Variants in SPAG16 observed in about 807,000 individuals in gnomAD.
The protein encoded by SPAG16 is sperm associated antigen 16.
In SPAG16, 86 loss-of-function variants were observed where a neutral mutation model predicts 80.4. The observed-to-expected ratio is 1.07, with a 90% CI of 0.90 to 1.28. SPAG16 has a LOEUF of 1.28. Among genes scored for constraint, SPAG16 ranks in the 50% most tolerant of loss-of-function variants. SPAG16 has a pLI of 0.00. For synonymous variants in SPAG16, 294 were observed against 265.9 expected (o/e 1.11, Z -1.03); for missense variants, 870 against 765.3 (o/e 1.14, Z -1.61).
chr2:213,628,937 G>A (rs1360056351), intron 10 of SPAG16, among the ~76,000 whole-genome samples: 2 of 152,076 alleles, frequency 1.3e-5, no homozygotes, highest in East Asian at 3.9e-4. Context: ...TGCTAAAAAT[G>A]AAGATATATA....
At chr2:214,291,994 T>C (rs1576696665) in intron 15 of SPAG16, among the ~76,000 whole-genome samples, 2 of 152,344 alleles carry the variant, frequency 1.3e-5, no homozygotes, top group South Asian at 2.1e-4. Flanking sequence ...TTCCCCTTTA[T>C]TGATGAAGAA....
chr2:214,298,123 C>CAT (rs1264041437), intron 15 of SPAG16, among the ~76,000 whole-genome samples: 1 of 47,792 alleles, frequency 2.1e-5, no homozygotes, highest in African/African-American at 5.2e-5. Flanking sequence ...TACACACACA[C>CAT]ACACACACAC....
intron 10 of SPAG16, among the ~76,000 whole-genome samples, chr2:213,755,306 C>T (rs2125500607): frequency 6.6e-6 from 1 of 152,106 alleles, no homozygotes; most frequent in Admixed American, 6.5e-5. Context: ...TCTGGTTATT[C>T]AAGTTAAGTA....
chr2:214,057,851 A>G (rs553154929), intron 13 of SPAG16, among the ~76,000 whole-genome samples: 10 of 152,130 alleles, frequency 6.6e-5, no homozygotes, highest in African/African-American at 2.4e-4. Context: ...CTTGCACTTT[A>G]TGTTATGGAG....
At chr2:213,561,493 C>T (rs58012287) in intron 10 of SPAG16, among the ~76,000 whole-genome samples, 13,173 of 152,062 alleles carry the variant, frequency 0.087, 1,431 homozygotes, top group African/African-American at 0.25. Flanking sequence ...TTGATATAAT[C>T]ACTCATTGTA....
At chr2:214,172,454 T>C (rs1437227167) in intron 15 of SPAG16, among the ~76,000 whole-genome samples, 1 of 152,178 alleles carries the variant, frequency 6.6e-6, no homozygotes, top group African/African-American at 2.4e-5. Flanking sequence ...CACTGCATAG[T>C]ATTCCATGGT....
chr2:213,440,583 CA>C (rs1389470294), intron 9 of SPAG16, among the ~76,000 whole-genome samples: 11 of 151,674 alleles, frequency 7.3e-5, no homozygotes, highest in African/African-American at 2.7e-4. Flanking sequence ...ACAACAACAA[CA>C]AATAGTCAAT....
In SPAG16 at chr2:213,715,222, G is replaced by GTCTATCTATCCATCTA. The variant is rs1553615158; in HGVS notation, c.1071-147253_1071-147252insCATCTATCTATCTATC. ...AGATTCAAGTTAGGTAGATCTATCT[G>GTCTATCTATCCATCTA]TCTATCTATCTATCTATCTATCTAT... On this transcript the variant is annotated intron_variant, in intron 10 of 15. Coordinates refer to ENST00000331683, the MANE Select transcript of SPAG16 (RefSeq NM_024532.5). 3.7e-3 allele frequency among the ~76,000 whole-genome samples: 414 copies of GTCTATCTATCCATCTA among 110,576 alleles called. 2 individuals are homozygous for GTCTATCTATCCATCTA. The highest frequency in any genetic ancestry group is 0.017 in the South Asian group (59 of 3,414). 72.5% of individuals were successfully genotyped at this position (110,576 alleles called of 152,430 possible).
chr2:213,953,349 T>A (rs1428215015), intron 12 of SPAG16, among the ~76,000 whole-genome samples: 1 of 151,506 alleles, frequency 6.6e-6, no homozygotes, highest in Non-Finnish European at 1.5e-5. Flanking sequence ...AAGGAAAATT[T>A]TAAAGAATAA....
chr2:213,315,403 A>G (rs2063357431), intron 4 of SPAG16, among the ~76,000 whole-genome samples: 1 of 151,758 alleles, frequency 6.6e-6, no homozygotes, highest in African/African-American at 2.4e-5. Context: ...AGCCCCTCTC[A>G]CAGACTTAAG....
intron 9 of SPAG16, among the ~76,000 whole-genome samples, chr2:213,452,154 G>C (rs1264048618): frequency 2.6e-5 from 4 of 152,196 alleles, no homozygotes; most frequent in East Asian, 1.9e-4. Context: ...GATCTTCCAG[G>C]CTGCTCTTTG....
chr2:214,122,997 T>G (rs961114370), intron 14 of SPAG16, among the ~76,000 whole-genome samples: 4 of 151,944 alleles, frequency 2.6e-5, no homozygotes, highest in Non-Finnish European at 5.9e-5. Flanking sequence ...AAACTAAATA[T>G]TTTATGAAAT....
chr2:214,154,746 CA>C, intron 15 of SPAG16, among the ~76,000 whole-genome samples: 1 of 152,044 alleles, frequency 6.6e-6, no homozygotes, highest in South Asian at 2.1e-4. Context: ...ACAAAATTTC[CA>C]AATATTTCTG....
chr2:214,065,835 A>G lies in SPAG16; in HGVS notation c.1528-42361A>G, dbSNP rs370200282. On this transcript the variant is annotated intron_variant, in intron 13 of 15. Transcript: ENST00000331683. ...AGACATTGGTTGGCCTTTAAATATC[A>G]TTCTGGACTAGTTAAGCAAACTCAT... Among the ~76,000 whole-genome samples, 3 of 152,062 alleles carry G rather than the reference A, an allele frequency of 2.0e-5. No individual in the cohort carries two copies. In the South Asian group the frequency reaches 6.2e-4, roughly 31 times the overall value.
chr2:214,268,273 G>T (rs763300288), intron 15 of SPAG16, among the ~76,000 whole-genome samples: 3 of 151,680 alleles, frequency 2.0e-5, no homozygotes, highest in African/African-American at 4.8e-5. Context: ...CCTTTATTGT[G>T]AGATCCAGGA....
At chr2:213,702,076 T>C (rs980770755) in intron 10 of SPAG16, among the ~76,000 whole-genome samples, 1 of 151,962 alleles carries the variant, frequency 6.6e-6, no homozygotes, top group Non-Finnish European at 1.5e-5. Flanking sequence ...CTTGGAGAAC[T>C]TTTATGTCTA....
At chr2:213,868,220 T>A (rs991064404) in intron 11 of SPAG16, among the ~76,000 whole-genome samples, 4 of 148,900 alleles carry the variant, frequency 2.7e-5, no homozygotes, top group Admixed American at 1.4e-4. Context: ...TGTGCCAAAC[T>A]CATCCTATTT....
intron 7 of SPAG16, among the ~76,000 whole-genome samples, chr2:213,354,127 C>T (rs1236677111): frequency 6.6e-6 from 1 of 152,172 alleles, no homozygotes; most frequent in Non-Finnish European, 1.5e-5. Context: ...TGAGTGAGAA[C>T]ATGCGGTGTT....
At chr2:214,168,992 T>C (rs918582464) in intron 15 of SPAG16, among the ~76,000 whole-genome samples, 1 of 152,152 alleles carries the variant, frequency 6.6e-6, no homozygotes, top group Non-Finnish European at 1.5e-5. Flanking sequence ...AAATATTTTA[T>C]GTTGTTTCCA....
Sources: allele counts gnomAD v4.1 joint callset (sites outside exome capture counted in the v4.1 genomes callset), GRCh38; gene constraint gnomAD v4.1.1; transcripts MANE v1.5; gene names NCBI Gene and HGNC (gene_info 2026-07-23, HGNC 2026-07-21).